Variants in IFT140 observed in about 807,000 individuals in gnomAD.
IFT140 encodes intraflagellar transport protein 140 homolog.
IFT140 carries 133 observed loss-of-function variants against 164.6 expected under a neutral mutation model. The ratio of observed to expected loss-of-function variants is 0.81; its 90% confidence interval spans 0.70 to 0.93. The LOEUF (loss-of-function observed/expected upper bound fraction) is 0.93. IFT140 is among the 40% of genes least tolerant of loss of function. The pLI is 0.00. For missense variants in IFT140, 2,045 were observed against 1,972.3 expected, an observed-to-expected ratio of 1.04 and a Z score of -0.70; for synonymous variants, 860 against 817.3, an observed-to-expected ratio of 1.05 and a Z score of -0.89.
chr16:1,601,764 T>A (rs1028733637), intron 4 of IFT140, among the ~76,000 whole-genome samples: 2 of 152,250 alleles, frequency 1.3e-5, no homozygotes, highest in African/African-American at 4.8e-5. Flanking sequence ...GCCAGGGGAC[T>A]GAGGAGACAG....
At chr16:1,514,398 G>T (rs558061122) in intron 30 of IFT140, 16 of 151,278 alleles carry the variant, frequency 1.1e-4, no homozygotes, top group African/African-American at 3.2e-4. Context: ...ATAAATAAAA[G>T]ATTTTTGTTG....
intron 9 of IFT140, 31 bp downstream of exon 9, chr16:1,587,167 G>C: frequency 1.4e-6 from 2 of 1,399,858 alleles, no homozygotes; most frequent in Non-Finnish European, 2.0e-6. Context: ...GGTTGGTTCT[G>C]TTTCTCTTGT....
chr16:1,551,087 G>A lies in IFT140; in HGVS notation c.2399+6848C>T, dbSNP rs552355970. On this transcript the variant is annotated intron_variant, in intron 19 of 30. Transcript: ENST00000426508. This position sits in a 1 kb window ranked among gnomAD's most constrained non-coding sequence, Gnocchi z 4.0. ...GCTGCTGTTCCTCCTCGCCTTTCCCGCAGCTCCACACTGCATTCTGTTCTG... is the reference window on the plus strand; with the variant it reads ...GCTGCTGTTCCTCCTCGCCTTTCCCACAGCTCCACACTGCATTCTGTTCTG... Among the ~76,000 whole-genome samples the A allele has an allele frequency of 9.9e-5, 15 of 152,268 alleles. No homozygotes were observed. In the East Asian group the frequency reaches 1.5e-3, roughly 16 times the overall value.
intron 4 of IFT140, among the ~76,000 whole-genome samples, chr16:1,594,893 C>T (rs1046993735): frequency 3.9e-5 from 6 of 152,254 alleles, no homozygotes; most frequent in South Asian, 4.1e-4. Flanking sequence ...TTCTTCCCAC[C>T]GCCTTTTCAG....
chr16:1,520,805 G>A lies in IFT140; in HGVS notation c.3457C>T (p.Gln1153Ter), dbSNP rs770988294. Residue 1153 changes from glutamine (Q) to a stop codon, truncating the protein, a stop_gained, in exon 27 of 31, where the codon CAG (glutamine) becomes TAG (stop). Transcript: ENST00000426508. LOFTEE classifies it high-confidence loss of function. The stretch of plus-strand genomic sequence containing the variant: ...CCCAGGCACAGCTGCAGGGCTTCCT[G>A]ATACTGCAAAGGTGCAGAAATGGGA... ...VELLLAARKY[Q>*]EALQLCLGQN... 10 of 1,602,328 alleles carry A rather than the reference G, an allele frequency of 6.2e-6. No homozygotes were observed. The highest frequency in any genetic ancestry group is 8.5e-6 in the Non-Finnish European group (10 of 1,179,804).
intron 4 of IFT140, among the ~76,000 whole-genome samples, chr16:1,597,901 T>C (rs2035544032): frequency 6.6e-6 from 1 of 152,176 alleles, no homozygotes; most frequent in Non-Finnish European, 1.5e-5. Flanking sequence ...GGACTACAGG[T>C]GCATGTCACC....
rs202189990 is a variant in IFT140 at position 1,526,635 on chromosome 16, G to A, written c.2561C>T (p.Thr854Met). The change falls in exon 20 of 31, where the codon ACG becomes ATG. Residue 854 changes from threonine to methionine, a missense_variant. Coordinates refer to ENST00000426508, the MANE Select transcript of IFT140 (RefSeq NM_014714.4). ...ELEARVAVLA[T>M]QLGMLEDAEQ... Reference sequence around the variant, plus strand: ...GCCCCTCACCAGCATGCCCAGCTGCGTGGCCAGCACGGCCACGCGGGCCTC... The same window carrying A: ...GCCCCTCACCAGCATGCCCAGCTGCATGGCCAGCACGGCCACGCGGGCCTC... The A allele has an allele frequency of 4.4e-4, 697 of 1,569,342 alleles. 3 individuals carry two copies. The highest frequency in any genetic ancestry group is 3.9e-4 in the Middle Eastern group (2 of 5,106).
intron 26 of IFT140, among the ~76,000 whole-genome samples, chr16:1,521,311 C>T (rs1462117084): frequency 6.6e-6 from 1 of 152,064 alleles, no homozygotes; most frequent in Non-Finnish European, 1.5e-5. Flanking sequence ...AGCAATCCGC[C>T]TGCCTTAGCC....
chr16:1,602,602 TGA>T lies in IFT140; in HGVS notation c.148-13_148-12del, dbSNP rs2035853635. On this transcript the variant is annotated splice_polypyrimidine_tract_variant and intron_variant, in intron 3 of 30. Transcript: ENST00000426508. Reference sequence around the variant, plus strand: ...TGGCACGCACTCCCCCTGCATTGGATGAGAGGCAAATTCCCACAGTTCAGAGA... The same window carrying T: ...TGGCACGCACTCCCCCTGCATTGGATGAGGCAAATTCCCACAGTTCAGAGA... 3 of 1,608,258 alleles carry T rather than the reference TGA, an allele frequency of 1.9e-6. No homozygotes were observed. Among genetic ancestry groups the T allele is most frequent in the Non-Finnish European group, 2.5e-6 (3 of 1,179,316 alleles).
intron 19 of IFT140, among the ~76,000 whole-genome samples, chr16:1,556,287 G>T (rs1215141534): frequency 1.3e-5 from 2 of 152,200 alleles, no homozygotes; most frequent in Non-Finnish European, 2.9e-5. Flanking sequence ...ACATCTGAGG[G>T]GTCAAAACCG....
chr16:1,512,161 GTGGGGGGCAGGA>G (rs1289257587), intron 30 of IFT140, among the ~76,000 whole-genome samples: 78 of 117,376 alleles, frequency 6.6e-4, no homozygotes, highest in African/African-American at 2.7e-3. Context: ...GTGAGGGGTG[GTGGGGGGCAGGA>G]TGGGGGGCAG....
Position 1,533,620 on chromosome 16 carries a change from G to A in IFT140, c.2400-6824C>T, listed in dbSNP as rs367641709. The A allele has an allele frequency of 2.6e-5, 4 of 152,262 alleles. No individual in the cohort carries two copies. Among genetic ancestry groups the A allele is most frequent in the African/African-American group, 7.2e-5 (3 of 41,454 alleles). The allele number at this position is 152,262 out of a possible 1,614,324, so 9.4% of individuals were successfully genotyped here. On this transcript the variant is annotated intron_variant, in intron 19 of 30. Coordinates refer to ENST00000426508, the MANE Select transcript of IFT140 (RefSeq NM_014714.4). This position sits in a 1 kb window ranked among gnomAD's most constrained non-coding sequence, Gnocchi z 4.7. ...CCGCGGCAGGGCCGCTATTTGTTGCGGTTGGCTACGCCTTCCAGCTCACCA... is the reference window on the plus strand; with the variant it reads ...CCGCGGCAGGGCCGCTATTTGTTGCAGTTGGCTACGCCTTCCAGCTCACCA...
rs2034220978 is a variant in IFT140 at position 1,575,331 on chromosome 16, C to A, written c.1525-3797G>T. Among the ~76,000 whole-genome samples, 5 of 151,744 alleles carry A rather than the reference C, an allele frequency of 3.3e-5. No homozygotes were observed. The South Asian group carries it at 1.0e-3, about 32-fold the overall frequency. On this transcript the variant is annotated intron_variant, in intron 13 of 30. Coordinates refer to ENST00000426508, the MANE Select transcript of IFT140 (RefSeq NM_014714.4). ...TTGAGGCTGCAGTGAGCTATGATGG[C>A]ACCACTGCACTCTAGCCTGGGCGAC...
intron 2 of IFT140, chr16:1,609,868 C>T (rs2036252334): frequency 6.6e-6 from 1 of 152,182 alleles, no homozygotes; most frequent in Admixed American, 6.5e-5. Context: ...TTTCTTGAAA[C>T]AAAGTTCCAG....
intron 13 of IFT140, among the ~76,000 whole-genome samples, chr16:1,575,754 C>A (rs750792056): frequency 1.1e-4 from 16 of 150,706 alleles, no homozygotes; most frequent in Non-Finnish European, 2.1e-4. Flanking sequence ...GGCCATTCAC[C>A]CTTTCCCATC....
At chr16:1,562,174 G>A (rs1165523554) in intron 17 of IFT140, 58 bp from the exon 18 acceptor site, 3 of 1,458,206 alleles carry the variant, frequency 2.1e-6, no homozygotes, top group Non-Finnish European at 2.7e-6. Flanking sequence ...TAAATTTCTG[G>A]GGTATGAGTG....
chr16:1,587,164 T>A (rs2034928988), intron 9 of IFT140, 34 bp downstream of exon 9: 1 of 1,355,022 alleles, frequency 7.4e-7, no homozygotes, highest in East Asian at 2.3e-5. Context: ...TGTGGTTGGT[T>A]CTGTTTCTCT....
Position 1,602,499 on chromosome 16 carries a change from C to A in IFT140, c.240G>T (p.Trp80Cys), listed in dbSNP as rs1471379682. The change falls in exon 4 of 31, where the codon TGG (tryptophan) becomes TGT (cysteine). Residue 80 changes from tryptophan (W) to cysteine (C), a missense_variant. By Grantham distance (215) the Trp-to-Cys change is radical (BLOSUM62 -2). Coordinates refer to ENST00000426508, the MANE Select transcript of IFT140 (RefSeq NM_014714.4). Reference protein sequence around the residue: ...HPTRLVLAVGWETGEVTVFNK... With the variant: ...HPTRLVLAVGCETGEVTVFNK... ...TAAACACCGTCACTTCTCCAGTCTC[C>A]CAGCCCACAGCCAGCACCAGCCGCG... 3 of 1,614,068 alleles carry A rather than the reference C, an allele frequency of 1.9e-6. No homozygotes were observed. In the Admixed American group the frequency reaches 5.0e-5, roughly 27 times the overall value.
chr16:1,581,246 G>A (rs191664278), intron 12 of IFT140, among the ~76,000 whole-genome samples: 1 of 152,292 alleles, frequency 6.6e-6, no homozygotes, highest in Admixed American at 6.5e-5. Context: ...CTAACTATTA[G>A]GGTTGGTGCA....
Sources: gnomAD v4.1 joint callset for allele counts (sites outside exome capture counted in the v4.1 genomes callset) on GRCh38, gnomAD v4.1.1 for gene constraint, Gnocchi (gnomAD v3.1) non-coding constraint, MANE v1.5 for transcripts, NCBI Gene and HGNC (gene_info 2026-07-23, HGNC 2026-07-21) for gene names.